Variants in PCDH15 observed in about 807,000 individuals in gnomAD.
PCDH15 encodes the protein protocadherin-15.
A neutral mutation model predicts 178.5 loss-of-function variants in PCDH15; 129 were observed. That is an observed-to-expected ratio of 0.72 (90% confidence interval 0.63 to 0.84). PCDH15 has a LOEUF of 0.84. Ranked by LOEUF, PCDH15 falls within the 40% of genes least tolerant of loss-of-function variation. The pLI is 0.00. For synonymous variants in PCDH15, 800 were observed against 732.0 expected (o/e 1.09, Z -1.50); for missense variants, 2,230 against 2,099.9 (o/e 1.06, Z -1.21).
chr10:54,664,587 A>G (rs1303489299), intron 1 of PCDH15, among the ~76,000 whole-genome samples: 1 of 152,082 alleles, frequency 6.6e-6, no homozygotes, highest in Non-Finnish European at 1.5e-5. Context: ...AATTTAAGAC[A>G]TTATGGGTAA....
chr10:55,331,270 T>G (rs1268213975), intron 2 of PCDH15, among the ~76,000 whole-genome samples: 1 of 152,000 alleles, frequency 6.6e-6, no homozygotes, highest in Admixed American at 6.6e-5. Context: ...CTATTGATAT[T>G]TTTAAGAATG....
intron 13 of PCDH15, among the ~76,000 whole-genome samples, chr10:54,167,946 C>A (rs1463925818): frequency 6.7e-6 from 1 of 149,688 alleles, no homozygotes; most frequent in Non-Finnish European, 1.5e-5. Flanking sequence ...AAGGTAAGAA[C>A]CCCCGAACCC....
chr10:54,320,288 T>C (rs1451434089), intron 7 of PCDH15, among the ~76,000 whole-genome samples: 1 of 152,084 alleles, frequency 6.6e-6, no homozygotes, highest in African/African-American at 2.4e-5. Flanking sequence ...CACAAGCTAT[T>C]TTAATCTCCC....
At chr10:54,325,734 G>C (rs1302790409) in intron 7 of PCDH15, among the ~76,000 whole-genome samples, 1 of 151,860 alleles carries the variant, frequency 6.6e-6, no homozygotes, top group East Asian at 1.9e-4. Context: ...GGGCAACATA[G>C]CAATACTCTC....
At chr10:54,825,337 T>G (rs1953110353) in intron 3 of PCDH15, among the ~76,000 whole-genome samples, 2 of 148,680 alleles carry the variant, frequency 1.3e-5, no homozygotes, top group South Asian at 4.3e-4. Context: ...TAAACATACG[T>G]GTGCATGTGT....
In PCDH15 at chr10:55,568,336, T is replaced by C. The variant is rs969693345; in HGVS notation, c.-156+59289A>G. Among the ~76,000 whole-genome samples, 8 of 151,970 alleles carry C rather than the reference T, an allele frequency of 5.3e-5. No individual in the cohort carries two copies. In the East Asian group the frequency reaches 5.8e-4, roughly 11 times the overall value. ...GAGGCAAATACTCTATTATTCGACT[T>C]ATATGAGGTACTCAGTGTAGTCAAA... On this transcript the variant is annotated intron_variant, in intron 2 of 5. Coordinates refer to the PCDH15 transcript ENST00000613346.
Position 53,822,880 on chromosome 10 carries a change from T to C in PCDH15, c.4368-2650A>G, listed in dbSNP as rs751863041. The C allele has an allele frequency of 2.5e-6, 4 of 1,614,124 alleles. No individual in the cohort carries two copies. Among genetic ancestry groups the C allele is most frequent in the Admixed American group, 1.7e-5 (1 of 60,018 alleles). On this transcript the variant is annotated intron_variant, in intron 32 of 37. Transcript: ENST00000644397. ...GGATTGCTGCTACCTCTTTTGTTTG[T>C]ACAGATTCCAGTGTTTTCATTTTCA...
intron 21 of PCDH15, among the ~76,000 whole-genome samples, chr10:53,969,408 A>G (rs966875508): frequency 2.0e-5 from 3 of 152,250 alleles, no homozygotes; most frequent in African/African-American, 7.2e-5. Context: ...TGACAGTGAG[A>G]ATGGAACCAA....
At chr10:53,888,287 T>TATATATATATATATATAC (rs71461209) in intron 26 of PCDH15, among the ~76,000 whole-genome samples, 2 of 55,160 alleles carry the variant, frequency 3.6e-5, no homozygotes, top group Non-Finnish European at 5.7e-5. Context: ...CAACACTATA[T>TATATATATATATATATAC]ATACATATAT....
At chr10:54,099,498 C>CAAAAA (rs755057091) in intron 15 of PCDH15, among the ~76,000 whole-genome samples, 1,295 of 49,902 alleles carry the variant, frequency 0.026, 121 homozygotes, top group Middle Eastern at 0.08. Context: ...GACTCCATCT[C>CAAAAA]AAAAAAAAAA....
chr10:54,936,983 C>T (rs998818314), intron 2 of PCDH15, among the ~76,000 whole-genome samples: 9 of 151,832 alleles, frequency 5.9e-5, no homozygotes, highest in East Asian at 5.8e-4. Flanking sequence ...TTATTTCTTA[C>T]GTTGAGGTCT....
In PCDH15 at chr10:54,614,949, T is replaced by C. The variant is rs144624472; in HGVS notation, c.91+49223A>G. On this transcript the variant is annotated intron_variant, in intron 2 of 37. Coordinates refer to ENST00000644397, the MANE Select transcript of PCDH15 (RefSeq NM_001384140.1). ...GCTAATATATGATATGTATAAGATA[T>C]GCTAAGTACTCAGTAAATGGTAATT... 4.3e-4 allele frequency among the ~76,000 whole-genome samples: 66 copies of C among 152,206 alleles called. No individual in the cohort carries two copies. In the East Asian group the frequency reaches 0.012, roughly 28 times the overall value.
chr10:55,184,043 C>T (rs761831022), intron 1 of PCDH15, among the ~76,000 whole-genome samples: 4 of 151,914 alleles, frequency 2.6e-5, no homozygotes, highest in African/African-American at 7.2e-5. Context: ...TTCCAGGAGC[C>T]GTATAACTCT....
At chr10:53,839,485 CAAAG>C (rs1201547421) in intron 29 of PCDH15, among the ~76,000 whole-genome samples, 3 of 151,652 alleles carry the variant, frequency 2.0e-5, no homozygotes. Context: ...AAAGTATAGA[CAAAG>C]AAAAACTAAA....
At chr10:54,007,001 G>A (rs1442461202) in intron 20 of PCDH15, among the ~76,000 whole-genome samples, 3 of 152,108 alleles carry the variant, frequency 2.0e-5, no homozygotes, top group Admixed American at 2.0e-4. Context: ...AAATTATAAT[G>A]AGCAAAATGA....
At chr10:53,862,758 G>A (rs1189111540) in intron 27 of PCDH15, among the ~76,000 whole-genome samples, 2 of 152,136 alleles carry the variant, frequency 1.3e-5, no homozygotes, top group Non-Finnish European at 2.9e-5. Flanking sequence ...AAAGCAGCTT[G>A]TTCAGCTTGC....
At chr10:55,260,321 C>T (rs1024461031) in intron 1 of PCDH15, among the ~76,000 whole-genome samples, 5 of 149,944 alleles carry the variant, frequency 3.3e-5, no homozygotes, top group Non-Finnish European at 7.4e-5. Flanking sequence ...AAGAAGGAAG[C>T]AAATATAGAG....
intron 2 of PCDH15, among the ~76,000 whole-genome samples, chr10:54,561,692 G>A (rs1410599153): frequency 1.3e-5 from 2 of 151,866 alleles, no homozygotes; most frequent in East Asian, 3.9e-4. Flanking sequence ...AAACATCACT[G>A]TTTATTTCAT....
At chr10:53,927,994 A>G (rs1038111806) in intron 25 of PCDH15, among the ~76,000 whole-genome samples, 3 of 152,100 alleles carry the variant, frequency 2.0e-5, no homozygotes, top group Admixed American at 2.0e-4. Context: ...GGACATTTTA[A>G]AAAGAGAGAC....
Sources: allele counts gnomAD v4.1 joint callset (sites outside exome capture counted in the v4.1 genomes callset), GRCh38; gene constraint gnomAD v4.1.1; transcripts MANE v1.5; gene names NCBI Gene and HGNC (gene_info 2026-07-23, HGNC 2026-07-21).